Variants in TBC1D9 observed in about 807,000 individuals in gnomAD.
TBC1D9 encodes the protein TBC1 domain family member 9A.
Under a neutral mutation model 132.0 loss-of-function variants are expected in TBC1D9, and 63 were observed. The ratio of observed to expected loss-of-function variants is 0.48; its 90% confidence interval spans 0.39 to 0.59. The LOEUF is 0.59. TBC1D9 is among the 20% of genes least tolerant of loss of function. The pLI, the probability that TBC1D9 is intolerant of heterozygous loss-of-function variation, is 0.00. For missense variants in TBC1D9, 1,261 were observed against 1,592.7 expected, an observed-to-expected ratio of 0.79 and a Z score of 3.54; for synonymous variants, 610 against 609.9, an observed-to-expected ratio of 1.00 and a Z score of 0.00.
At chr4:140,635,684 T>A (rs1424456398) in intron 15 of TBC1D9, among the ~76,000 whole-genome samples, 3 of 150,764 alleles carry the variant, frequency 2.0e-5, no homozygotes, top group Non-Finnish European at 4.4e-5. Flanking sequence ...AAAAGAGGAG[T>A]GGGAGTAGGG....
chr4:140,669,034 T>C lies in TBC1D9; in HGVS notation c.1471A>G (p.Ile491Val), dbSNP rs1317462455. The change falls in exon 9 of 21, where the codon ATT becomes GTT. Residue 491 changes from isoleucine to valine, a missense_variant. By Grantham distance (29) the Ile-to-Val change is conservative. Around this residue, in one of 3 missense-constraint regions of TBC1D9, gnomAD observed 550 missense variants for 699.0 expected, o/e 0.79. Transcript: ENST00000442267. ...KEFLKEQAWK[I>V]HFAEYGQGIC... ...CCTTGCCCATACTCAGCAAAGTGAA[T>C]CTTCCAGGCTTGCTCTTTCAGAAAC... 6.2e-7 allele frequency: 1 copy of C among 1,614,042 alleles called. No individual in the cohort carries two copies.
At chr4:140,643,934 C>A in intron 13 of TBC1D9, 1 of 661,286 alleles carries the variant, frequency 1.5e-6, no homozygotes, top group Admixed American at 1.9e-5. Context: ...GGCGCTCGTC[C>A]ACATCCTCCA....
intron 5 of TBC1D9, 80 bp downstream of exon 5, chr4:140,678,862 A>C: frequency 6.7e-7 from 1 of 1,502,680 alleles, no homozygotes; most frequent in Non-Finnish European, 9.0e-7. Flanking sequence ...GAAGATCGTC[A>C]GAGAAGGTTA....
chr4:140,667,905 A>C (rs1387468816), intron 9 of TBC1D9, among the ~76,000 whole-genome samples: 1 of 152,182 alleles, frequency 6.6e-6, no homozygotes, highest in African/African-American at 2.4e-5. Flanking sequence ...TTTTACAAAG[A>C]GCTATAGGTT....
chr4:140,687,342 T>TGTGTGATA (rs1560885798), intron 2 of TBC1D9, among the ~76,000 whole-genome samples: 1 of 54,526 alleles, frequency 1.8e-5, no homozygotes, highest in Non-Finnish European at 3.6e-5. Context: ...TGTGTGTGTG[T>TGTGTGATA]CATATATATA....
Position 140,676,929 on chromosome 4 carries a change from C to T in TBC1D9, c.1024G>A (p.Glu342Lys), listed in dbSNP as rs770071019. ...GGGATAATGAGGCTACATAAGTTCT[C>T]CTCCTTGCTGGTAAAACAGATGTAA... is the stretch of plus-strand genomic sequence containing the variant. ...TNYICFTSKE[E>K]NLCSLIIPLR... The change falls in exon 6 of 21, where the codon GAG becomes AAG. Residue 342 changes from glutamate (E) to lysine (K), a missense_variant. Glu to Lys is a moderately conservative substitution (Grantham distance 56). Coordinates refer to ENST00000442267, the MANE Select transcript of TBC1D9 (RefSeq NM_015130.3). 1.9e-6 allele frequency: 3 copies of T among 1,613,850 alleles called. No homozygotes were observed. The highest frequency in any genetic ancestry group is 2.7e-5 in the African/African-American group (2 of 74,916).
Position 140,756,127 on chromosome 4 carries a change from G to C in TBC1D9, c.-82C>G. ...ACCACCGCGACAGGCGCGCACTCCTGGGCACACGCGCGCCCGCCCGCCCGT... is the reference window on the plus strand; with the variant it reads ...ACCACCGCGACAGGCGCGCACTCCTCGGCACACGCGCGCCCGCCCGCCCGT... On this transcript the variant is annotated 5_prime_UTR_variant, in exon 1 of 21. Coordinates refer to ENST00000442267, the MANE Select transcript of TBC1D9 (RefSeq NM_015130.3). This position sits in a 1 kb window ranked among gnomAD's most constrained non-coding sequence, Gnocchi z 5.6. The C allele has an allele frequency of 2.5e-6, 3 of 1,198,204 alleles. No homozygotes were observed. Among genetic ancestry groups the C allele is most frequent in the Non-Finnish European group, 3.3e-6 (3 of 913,928 alleles). The allele number at this position is 1,198,204 out of a possible 1,614,324, so 74.2% of individuals were successfully genotyped here. A position where few individuals can be genotyped will look rare whatever the true frequency, so the allele number is the denominator to read the frequency against.
rs1739017774 is a variant in TBC1D9, at chr4:140,756,374, C to T, written c.-329G>A. Among the ~76,000 whole-genome samples, 1 of 151,830 alleles carries T rather than the reference C, an allele frequency of 6.6e-6. No individual in the cohort carries two copies. The highest frequency in any genetic ancestry group is 2.4e-5 in the African/African-American group (1 of 41,358). ...TCCCGGCCCACGGCGGCGGGAGGAGCGGGAGGAGGAGGAAGAGGAGGAGGA... is the reference window on the plus strand; with the variant it reads ...TCCCGGCCCACGGCGGCGGGAGGAGTGGGAGGAGGAGGAAGAGGAGGAGGA... On this transcript the variant is annotated 5_prime_UTR_variant, in exon 1 of 21. Transcript: ENST00000442267. This position sits in a 1 kb window ranked among gnomAD's most constrained non-coding sequence, Gnocchi z 5.6.
At chr4:140,736,600 T>C (rs1738677088) in intron 1 of TBC1D9, among the ~76,000 whole-genome samples, 1 of 151,918 alleles carries the variant, frequency 6.6e-6, no homozygotes, top group Non-Finnish European at 1.5e-5. Context: ...TTCCTAAGGA[T>C]CAGTGGCTAC....
intron 1 of TBC1D9, among the ~76,000 whole-genome samples, chr4:140,728,961 G>T (rs886072535): frequency 6.6e-6 from 1 of 152,140 alleles, no homozygotes; most frequent in African/African-American, 2.4e-5. Flanking sequence ...ACTGGACCAG[G>T]TCGAAATCTA....
chr4:140,634,973 T>C (rs79251174), intron 15 of TBC1D9, among the ~76,000 whole-genome samples: 2,089 of 152,260 alleles, frequency 0.014, 46 homozygotes, highest in African/African-American at 0.048. Context: ...GGTAGAAATA[T>C]CCACTCCTTT....
chr4:140,643,537 C>G, intron 13 of TBC1D9: 1 of 874,436 alleles, frequency 1.1e-6, no homozygotes, highest in Non-Finnish European at 1.8e-6. Flanking sequence ...CCGGCGGGCA[C>G]GTCACAGTCT....
chr4:140,623,616 C>T (rs1736659142), intron 20 of TBC1D9, among the ~76,000 whole-genome samples: 1 of 152,152 alleles, frequency 6.6e-6, no homozygotes, highest in South Asian at 2.1e-4. Context: ...ATCCCTCCTC[C>T]CACGACACAT....
At chr4:140,733,001 C>T (rs1412474755) in intron 1 of TBC1D9, among the ~76,000 whole-genome samples, 1 of 152,192 alleles carries the variant, frequency 6.6e-6, no homozygotes, top group Non-Finnish European at 1.5e-5. Flanking sequence ...CTCATCACTG[C>T]AGACTGTCTC....
At chr4:140,736,410 A>G (rs1738673729) in intron 1 of TBC1D9, among the ~76,000 whole-genome samples, 1 of 152,086 alleles carries the variant, frequency 6.6e-6, no homozygotes. Context: ...GCATGGTGGT[A>G]CGTGCCTATA....
At chr4:140,708,924 T>A (rs1203579999) in intron 1 of TBC1D9, among the ~76,000 whole-genome samples, 1 of 152,084 alleles carries the variant, frequency 6.6e-6, no homozygotes, top group Non-Finnish European at 1.5e-5. Flanking sequence ...GGAAAGAGAT[T>A]AGAAGGGCAT....
Position 140,670,903 on chromosome 4 carries a change from G to T in TBC1D9, c.1083C>A (p.Asp361Glu). The change falls in exon 7 of 21, where the codon GAC becomes GAA. Residue 361 changes from aspartate to glutamate, a missense_variant. Coordinates refer to ENST00000442267, the MANE Select transcript of TBC1D9 (RefSeq NM_015130.3). ...LREVTIVEKADSSSVLPSPLS... is the reference protein window; with the variant it reads ...LREVTIVEKAESSSVLPSPLS... ...AGGGACTGGGGAGCACACTGGAGCTGTCTGCCTTTTCCACAATTGTCACCT... is the reference window on the plus strand; with the variant it reads ...AGGGACTGGGGAGCACACTGGAGCTTTCTGCCTTTTCCACAATTGTCACCT... 6.2e-7 allele frequency: 1 copy of T among 1,613,964 alleles called. No individual in the cohort carries two copies.
intron 1 of TBC1D9, among the ~76,000 whole-genome samples, chr4:140,722,935 TTTTTC>T (rs1173835814): frequency 6.6e-6 from 1 of 152,092 alleles, no homozygotes. Context: ...TCAATCCCCC[TTTTTC>T]TTTTCTGTCC....
chr4:140,701,651 G>GCCTTAGTACT, intron 1 of TBC1D9, 37 bp from the exon 2 acceptor site: 2 of 1,523,332 alleles, frequency 1.3e-6, no homozygotes, highest in Non-Finnish European at 1.8e-6. Flanking sequence ...GGTAAGAATT[G>GCCTTAGTACT]CCTTAGTACT....
Sources: allele counts gnomAD v4.1 joint callset (sites outside exome capture counted in the v4.1 genomes callset), GRCh38; gene constraint gnomAD v4.1.1; regional missense constraint gnomAD v4.1.1; non-coding constraint Gnocchi (gnomAD v3.1); transcripts MANE v1.5; gene names NCBI Gene and HGNC (gene_info 2026-07-23, HGNC 2026-07-21).